RBFOX1: variants seen among roughly 807,000 people sequenced by gnomAD.
RBFOX1 encodes RNA binding fox-1 homolog 1.
In RBFOX1, 8 loss-of-function variants were observed where a neutral mutation model predicts 57.7. That is an observed-to-expected ratio of 0.14 (90% CI 0.08 to 0.25). The LOEUF (loss-of-function observed/expected upper bound fraction) is 0.25. RBFOX1 is among the 10% of genes least tolerant of loss of function. The probability of loss-of-function intolerance (pLI) is 1.00; values close to 1 mark genes in which losing one functional copy is unlikely to be tolerated. For synonymous variants in RBFOX1, 326 were observed against 222.4 expected, an observed-to-expected ratio of 1.47 and a Z score of -4.15; for missense variants, 611 against 548.5, an observed-to-expected ratio of 1.11 and a Z score of -1.14.
intron 3 of RBFOX1, among the ~76,000 whole-genome samples, chr16:6,778,487 C>A (rs1216040289): frequency 6.6e-6 from 1 of 152,104 alleles, no homozygotes. Context: ...TAATTACACC[C>A]AATCCTTCAA....
At chr16:7,174,012 T>C (rs1204114199) in intron 4 of RBFOX1, among the ~76,000 whole-genome samples, 1 of 152,204 alleles carries the variant, frequency 6.6e-6, no homozygotes, top group Non-Finnish European at 1.5e-5. Flanking sequence ...GTGAACTGGT[T>C]GGAGTATATT....
intron 2 of RBFOX1, among the ~76,000 whole-genome samples, chr16:6,503,983 C>G (rs917106395): frequency 2.6e-5 from 4 of 152,206 alleles, no homozygotes; most frequent in African/African-American, 4.8e-5. Context: ...CATGTAGTCT[C>G]TCCCTTTTTA....
intron 3 of RBFOX1, among the ~76,000 whole-genome samples, chr16:5,722,283 A>G (rs1369152437): frequency 2.0e-5 from 3 of 152,238 alleles, no homozygotes; most frequent in Non-Finnish European, 4.4e-5. Context: ...AGTGTATCTA[A>G]TCTCTTACAA....
intron 4 of RBFOX1, among the ~76,000 whole-genome samples, chr16:7,076,053 T>G (rs536541107): frequency 6.6e-6 from 1 of 151,622 alleles, no homozygotes; most frequent in East Asian, 1.9e-4. Context: ...TTTTTTTTCT[T>G]TTTTTTTCGA....
At chr16:7,445,736 T>C (rs1053672855) in intron 4 of RBFOX1, among the ~76,000 whole-genome samples, 1 of 152,182 alleles carries the variant, frequency 6.6e-6, no homozygotes, top group Admixed American at 6.5e-5. Flanking sequence ...GTTGTTTTTG[T>C]TTTGTCTTTT....
intron 2 of RBFOX1, among the ~76,000 whole-genome samples, chr16:5,477,870 G>C (rs1006540699): frequency 1.3e-5 from 2 of 152,176 alleles, no homozygotes; most frequent in African/African-American, 4.8e-5. Context: ...GCCAGTTAGC[G>C]TGATGTTTTT....
intron 4 of RBFOX1, among the ~76,000 whole-genome samples, chr16:7,251,553 C>T (rs572846443): frequency 1.3e-5 from 2 of 151,802 alleles, no homozygotes; most frequent in South Asian, 4.2e-4. Context: ...TGGGATTACA[C>T]GTGTCTCCCC....
chr16:6,501,179 G>A (rs555050111), intron 2 of RBFOX1, among the ~76,000 whole-genome samples: 7 of 131,876 alleles, frequency 5.3e-5, no homozygotes, highest in African/African-American at 2.0e-4. Flanking sequence ...TAGGGTACAT[G>A]TGCACAACGT....
intron 4 of RBFOX1, among the ~76,000 whole-genome samples, chr16:7,214,366 C>T (rs574961812): frequency 2.0e-5 from 3 of 152,214 alleles, no homozygotes; most frequent in Non-Finnish European, 2.9e-5. Context: ...ATGGCATGAT[C>T]GGGGTGCTCA....
intron 4 of RBFOX1, among the ~76,000 whole-genome samples, chr16:7,391,284 A>G (rs969531351): frequency 6.6e-6 from 1 of 151,982 alleles, no homozygotes; most frequent in Non-Finnish European, 1.5e-5. Flanking sequence ...CCTCTAAGAG[A>G]GTTTTTGGGC....
chr16:6,371,600 C>T (rs979048150), intron 2 of RBFOX1, among the ~76,000 whole-genome samples: 4 of 152,040 alleles, frequency 2.6e-5, no homozygotes, highest in Admixed American at 6.6e-5. Flanking sequence ...CTTGACTTTT[C>T]TTGCCCCAGT....
chr16:6,256,586 C>T (rs2097668822), intron 1 of RBFOX1, among the ~76,000 whole-genome samples: 1 of 151,972 alleles, frequency 6.6e-6, no homozygotes. Context: ...CCGATATAAT[C>T]AATATGTCAA....
At chr16:5,298,265 T>C (rs936103314) in intron 1 of RBFOX1, among the ~76,000 whole-genome samples, 1 of 152,194 alleles carries the variant, frequency 6.6e-6, no homozygotes, top group South Asian at 2.1e-4. Flanking sequence ...ATAAAATACA[T>C]TGTAGGCAGT....
chr16:6,461,499 C>T (rs1369074295), intron 2 of RBFOX1, among the ~76,000 whole-genome samples: 2 of 152,136 alleles, frequency 1.3e-5, no homozygotes, highest in Non-Finnish European at 2.9e-5. Context: ...GCTAATTTTA[C>T]TTGTTTTGTA....
chr16:5,468,994 C>G (rs1240248551), intron 2 of RBFOX1, among the ~76,000 whole-genome samples: 1 of 152,220 alleles, frequency 6.6e-6, no homozygotes, highest in African/African-American at 2.4e-5. Flanking sequence ...TGGTAGGTGT[C>G]TGCCCGTGCT....
At chr16:6,391,194 C>G (rs963506846) in intron 2 of RBFOX1, among the ~76,000 whole-genome samples, 1 of 152,142 alleles carries the variant, frequency 6.6e-6, no homozygotes, top group Non-Finnish European at 1.5e-5. Context: ...TGGAAAGCCA[C>G]TGAAAGTTTG....
At chr16:7,019,411 A>G (rs1597169135) in intron 3 of RBFOX1, among the ~76,000 whole-genome samples, 1 of 152,094 alleles carries the variant, frequency 6.6e-6, no homozygotes, top group Non-Finnish European at 1.5e-5. Flanking sequence ...TGTGAGTGGG[A>G]GAGAGAGAGT....
intron 2 of RBFOX1, among the ~76,000 whole-genome samples, chr16:6,451,396 C>T (rs961464668): frequency 6.6e-6 from 1 of 152,138 alleles, no homozygotes; most frequent in African/African-American, 2.4e-5. Context: ...TGACTTTCAA[C>T]CCCAGGAGTT....
In RBFOX1 at chr16:6,623,227, A is replaced by C. The variant is rs961582265; in HGVS notation, c.-63-31376A>C. ...GAATTAGGTTAGTCAATTTGAGATT[A>C]TCTGGGAGGGGGCTGCTTTTGTGCA... On this transcript the variant is annotated intron_variant, in intron 2 of 15. Transcript: ENST00000550418. Among the ~76,000 whole-genome samples, 8 of 152,258 alleles carry C rather than the reference A, an allele frequency of 5.3e-5. No individual in the cohort carries two copies. In the East Asian group the frequency reaches 1.5e-3, roughly 29 times the overall value.
Sources: gnomAD v4.1 joint callset for allele counts (sites outside exome capture counted in the v4.1 genomes callset) on GRCh38, gnomAD v4.1.1 for gene constraint, MANE v1.5 for transcripts, NCBI Gene and HGNC (gene_info 2026-07-23, HGNC 2026-07-21) for gene names.